Variants in PREX1 observed in about 807,000 individuals in gnomAD.
The protein encoded by PREX1 is phosphatidylinositol 3,4,5-trisphosphate-dependent Rac exchanger 1 protein.
In PREX1, 41 loss-of-function variants were observed where a neutral mutation model predicts 198.3. The ratio of observed to expected loss-of-function variants is 0.21; its 90% CI spans 0.16 to 0.27. The LOEUF (loss-of-function observed/expected upper bound fraction) is 0.27, where lower values mean the gene tolerates loss of function less well. Ranked by LOEUF, PREX1 falls within the 10% of genes least tolerant of loss-of-function variation. PREX1 has a pLI of 1.00. For synonymous variants in PREX1, 843 were observed against 887.2 expected, an observed-to-expected ratio of 0.95 and a Z score of 0.89; for missense variants, 1,620 against 2,200.7, an observed-to-expected ratio of 0.74 and a Z score of 5.28.
chr20:48,637,840 C>CTTGGGAGG, intron 30 of PREX1, 88 bp from the exon 31 acceptor site: 2 of 1,208,498 alleles, frequency 1.7e-6, no homozygotes, highest in Non-Finnish European at 2.4e-6. Context: ...CCCATGGCAC[C>CTTGGGAGG]TCCCAAGGTG....
chr20:48,636,478 G>C lies in PREX1; in HGVS notation c.4152C>G (p.Leu1384=). ...TGVLLHCQSL[L]SPATVKEERT... ...ACTCACTCACCACTGTGGCTGGCGA[G>C]AGCAGGGACTGGCAGTGCAGCAGGA... The change falls in exon 32 of 40, where the codon CTC becomes CTG. Residue 1384 remains leucine (L), a synonymous_variant. Coordinates refer to ENST00000371941, the MANE Select transcript of PREX1 (RefSeq NM_020820.4). 1 of 1,606,320 alleles carries C rather than the reference G, an allele frequency of 6.2e-7. No homozygotes were observed. Among genetic ancestry groups the C allele is most frequent in the Non-Finnish European group, 8.5e-7 (1 of 1,178,746 alleles).
At chr20:48,676,375 G>T in intron 13 of PREX1, 107 bp from the exon 14 acceptor site, 1 of 1,018,786 alleles carries the variant, frequency 9.8e-7, no homozygotes. Context: ...GGATCTCCAG[G>T]CTCTCTAGGC....
chr20:48,800,665 T>C (rs1248383367), intron 1 of PREX1, among the ~76,000 whole-genome samples: 2 of 152,040 alleles, frequency 1.3e-5, no homozygotes, highest in African/African-American at 4.8e-5. Context: ...GCCTCTCAGA[T>C]GGCAAAAGCA....
chr20:48,676,695 C>G (rs2089711869), intron 13 of PREX1, among the ~76,000 whole-genome samples: 1 of 152,212 alleles, frequency 6.6e-6, no homozygotes, highest in Admixed American at 6.5e-5. Context: ...AGGCAGCCCC[C>G]AACAGAGACT....
chr20:48,847,934 G>C, the PREX1 span, among the ~76,000 whole-genome samples: 1 of 152,306 alleles, frequency 6.6e-6, no homozygotes, highest in South Asian at 2.1e-4. Context: ...CCACGTATCA[G>C]TAGCTTGTTC....
chr20:48,796,529 G>C (rs2090363169), intron 1 of PREX1, among the ~76,000 whole-genome samples: 1 of 151,988 alleles, frequency 6.6e-6, no homozygotes, highest in African/African-American at 2.4e-5. Context: ...TCTGGGGAGG[G>C]AACTTGGAGG....
chr20:48,850,215 C>T, the PREX1 span, among the ~76,000 whole-genome samples: 2 of 152,270 alleles, frequency 1.3e-5, no homozygotes, highest in East Asian at 3.9e-4. Flanking sequence ...CCCGGGTGGG[C>T]TCTGGCTTTC....
chr20:48,672,953 T>G (rs1047911882), intron 14 of PREX1, among the ~76,000 whole-genome samples: 1 of 152,128 alleles, frequency 6.6e-6, no homozygotes, highest in Non-Finnish European at 1.5e-5. Context: ...AACAGGAGCT[T>G]TTGTCTGTCT....
chr20:48,789,186 C>A (rs951960781), intron 1 of PREX1, among the ~76,000 whole-genome samples: 1 of 152,176 alleles, frequency 6.6e-6, no homozygotes, highest in Non-Finnish European at 1.5e-5. Context: ...CAAATAACCA[C>A]CAATTCAGAA....
chr20:48,786,842 A>AAAGC (rs58058268), intron 1 of PREX1, among the ~76,000 whole-genome samples: 4 of 70 alleles, frequency 0.057, no homozygotes, highest in South Asian at 0.5. Context: ...AAAGAAAGAA[A>AAAGC]AAGAGAGAGA....
chr20:48,828,779 T>C (rs2090525809), upstream of PREX1, among the ~76,000 whole-genome samples: 1 of 152,270 alleles, frequency 6.6e-6, no homozygotes, highest in Non-Finnish European at 1.5e-5. Flanking sequence ...TCTTGAGTTA[T>C]TGATCAAGTG....
At chr20:48,664,020 T>C (rs1156785484) in intron 15 of PREX1, among the ~76,000 whole-genome samples, 1 of 151,862 alleles carries the variant, frequency 6.6e-6, no homozygotes, top group Non-Finnish European at 1.5e-5. Context: ...GATGTCAGAA[T>C]GAACAAAGAC....
chr20:48,790,201 G>C (rs1357004471), intron 1 of PREX1, among the ~76,000 whole-genome samples: 1 of 152,176 alleles, frequency 6.6e-6, no homozygotes, highest in Non-Finnish European at 1.5e-5. Context: ...GAAGAAATAA[G>C]TCAGTTAATG....
At chr20:48,805,209 C>T (rs2090406426) in intron 1 of PREX1, among the ~76,000 whole-genome samples, 1 of 152,198 alleles carries the variant, frequency 6.6e-6, no homozygotes. Context: ...GAACAGCTTG[C>T]TATGGACAAT....
At chr20:48,738,906 G>A (rs1037280558) in intron 3 of PREX1, among the ~76,000 whole-genome samples, 3 of 152,140 alleles carry the variant, frequency 2.0e-5, no homozygotes, top group Admixed American at 6.5e-5. Flanking sequence ...CCAGTGGGGA[G>A]GAGAGAAGTG....
intron 3 of PREX1, among the ~76,000 whole-genome samples, chr20:48,743,990 GTGATGATGATGATGA>G (rs3037311): frequency 2.0e-4 from 30 of 149,278 alleles, no homozygotes; most frequent in Non-Finnish European, 1.5e-4. Context: ...AAGTGAGTTA[GTGATGATGATGATGA>G]TGATGATGAT....
chr20:48,822,110 T>C (rs1027416094), intron 1 of PREX1: 38 of 152,132 alleles, frequency 2.5e-4, no homozygotes, highest in African/African-American at 7.7e-4. Flanking sequence ...TTAAAAAAAA[T>C]GTAACCCATC....
rs2089266972 is a variant in PREX1, at chr20:48,625,769, C to T, written c.*116G>A. 7 of 1,265,800 alleles carry T rather than the reference C, an allele frequency of 5.5e-6. No homozygotes were observed. The East Asian group carries it at 8.8e-5, about 16-fold the overall frequency. The allele number at this position is 1,265,800 out of a possible 1,614,324, so 78.4% of individuals were successfully genotyped here. On this transcript the variant is annotated 3_prime_UTR_variant, in exon 40 of 40. Coordinates refer to ENST00000371941, the MANE Select transcript of PREX1 (RefSeq NM_020820.4). ...GGCAGGGAGGACGCTGGGCAGGTCC[C>T]GGAACGGGCGGCTGCGGAAGCCTTG...
intron 10 of PREX1, among the ~76,000 whole-genome samples, chr20:48,687,713 C>A (rs1408335280): frequency 3.9e-5 from 6 of 152,230 alleles, no homozygotes; most frequent in Non-Finnish European, 8.8e-5. Flanking sequence ...GAGTGTCTAG[C>A]ACATTGTAGG....
Sources: allele counts gnomAD v4.1 joint callset (sites outside exome capture counted in the v4.1 genomes callset), GRCh38; gene constraint gnomAD v4.1.1; transcripts MANE v1.5; gene names NCBI Gene and HGNC (gene_info 2026-07-23, HGNC 2026-07-21).